The following DNAH9 variants were observed in gnomAD, a reference collection of about 807,000 sequenced individuals.
DNAH9 encodes the protein DNAH9 variant protein.
Under a neutral mutation model 471.6 loss-of-function variants are expected in DNAH9, and 345 were observed. The ratio of observed to expected loss-of-function variants is 0.73; its 90% CI spans 0.67 to 0.80. The LOEUF (loss-of-function observed/expected upper bound fraction) is 0.80, where lower values mean the gene tolerates loss of function less well. Ranked by LOEUF, DNAH9 falls within the 30% of genes least tolerant of loss-of-function variation. The pLI is 0.00. For synonymous variants in DNAH9, 2,093 were observed against 2,123.6 expected (o/e 0.99, Z 0.40); for missense variants, 5,407 against 5,609.2 (o/e 0.96, Z 1.15).
intron 67 of DNAH9, among the ~76,000 whole-genome samples, chr17:11,952,772 C>T (rs1386326384): frequency 6.6e-6 from 1 of 152,164 alleles, no homozygotes; most frequent in Non-Finnish European, 1.5e-5. Context: ...ACTGACCTCT[C>T]TCCTGGTTCT....
At chr17:11,710,219 A>G (rs574763736) in intron 26 of DNAH9, among the ~76,000 whole-genome samples, 50 of 152,234 alleles carry the variant, frequency 3.3e-4, no homozygotes, top group Admixed American at 1.2e-3. Context: ...AAACACTCTA[A>G]TGGCTGAATT....
intron 44 of DNAH9, among the ~76,000 whole-genome samples, 196 bp downstream of exon 44, chr17:11,808,090 A>G (rs1969759489): frequency 6.6e-6 from 1 of 152,132 alleles, no homozygotes; most frequent in African/African-American, 2.4e-5. Context: ...GGCATTTCCA[A>G]AGTCTGCCTT....
chr17:11,945,508 A>G (rs1478235094), intron 67 of DNAH9, among the ~76,000 whole-genome samples: 1 of 150,806 alleles, frequency 6.6e-6, no homozygotes, highest in Non-Finnish European at 1.5e-5. Flanking sequence ...ACTGCACTCC[A>G]GCCTGGGTGA....
At chr17:11,788,006 G>C (rs963321369) in intron 41 of DNAH9, among the ~76,000 whole-genome samples, 5 of 152,158 alleles carry the variant, frequency 3.3e-5, no homozygotes, top group African/African-American at 1.2e-4. Context: ...TACATGCTCT[G>C]AGTAGCAGAA....
chr17:11,744,899 C>T lies in DNAH9; in HGVS notation c.6214C>T (p.Arg2072Cys), dbSNP rs771521033. ...CCGGCCTGAGGACCAGGTCCTGATG[C>T]GCTCCTTGCGGGATTTCAACATCCC... ...PDRPEDQVLM[R>C]SLRDFNIPKI... Residue 2072 changes from arginine to cysteine, a missense_variant, in exon 31 of 69, where the codon CGC becomes TGC. Around this residue, in one of 3 missense-constraint regions of DNAH9, gnomAD observed 4,636 missense variants for 4,900.3 expected, o/e 0.95. Coordinates refer to ENST00000262442, the MANE Select transcript of DNAH9 (RefSeq NM_001372.4). The T allele has an allele frequency of 1.4e-5, 22 of 1,614,018 alleles. No individual in the cohort carries two copies. Among genetic ancestry groups the T allele is most frequent in the East Asian group, 4.5e-5 (2 of 44,884 alleles).
At chr17:11,944,911 T>C in intron 67 of DNAH9, among the ~76,000 whole-genome samples, 1 of 152,078 alleles carries the variant, frequency 6.6e-6, no homozygotes, top group East Asian at 1.9e-4. Flanking sequence ...AAAATGAAGG[T>C]GCAAAGGGGA....
In DNAH9 at chr17:11,880,104, T is replaced by C. The variant is rs758165039; in HGVS notation, c.10505T>C (p.Leu3502Pro). Reference protein sequence around the residue: ...KGYLQIIEQALEAGAVVLIEN... With the variant: ...KGYLQIIEQAPEAGAVVLIEN... ...TACCTTCAAATCATAGAGCAGGCCC[T>C]GGAAGCTGGAGCTGTGGTGCTGATT... is the stretch of plus-strand genomic sequence containing the variant. The change falls in exon 54 of 69, where the codon CTG becomes CCG. Residue 3502 changes from leucine (L) to proline (P), a missense_variant. This residue lies in a region of DNAH9 where 4,636 missense variants were observed against 4,900.3 expected (regional missense o/e 0.95). Coordinates refer to ENST00000262442, the MANE Select transcript of DNAH9 (RefSeq NM_001372.4). 6.2e-7 allele frequency: 1 copy of C among 1,614,020 alleles called. No individual in the cohort carries two copies. Among genetic ancestry groups the C allele is most frequent in the East Asian group, 2.2e-5 (1 of 44,870 alleles).
rs575817556 is a variant in DNAH9 at position 11,932,042 on chromosome 17, C to T, written c.12134C>T (p.Thr4045Met). Residue 4045 changes from threonine (T) to methionine (M), a missense_variant, in exon 64 of 69, where the codon ACG becomes ATG. Transcript: ENST00000262442. This position sits in a 1 kb window ranked among gnomAD's most constrained non-coding sequence, Gnocchi z 4.3. ...QDTLEMCSRE[T>M]EFKSILFALC... ...ACTCTGGAGATGTGTTCTCGGGAGA[C>T]GGAGTTTAAGAGCATCCTCTTTGCT... 36 of 1,614,118 alleles carry T rather than the reference C, an allele frequency of 2.2e-5. No individual in the cohort carries two copies. The Middle Eastern group carries it at 8.3e-4, about 37-fold the overall frequency.
intron 14 of DNAH9, among the ~76,000 whole-genome samples, chr17:11,660,388 T>A (rs901434713): frequency 6.7e-6 from 1 of 149,596 alleles, no homozygotes; most frequent in African/African-American, 2.5e-5. Flanking sequence ...AGAGGTACTG[T>A]CTCAACTTAC....
rs573708793 is a variant in DNAH9, at chr17:11,945,410, G to A, written c.12843+2925G>A. Among the ~76,000 whole-genome samples, 22 of 151,802 alleles carry A rather than the reference G, an allele frequency of 1.4e-4. No individual in the cohort carries two copies. The East Asian group carries it at 3.9e-3, about 27-fold the overall frequency. The stretch of plus-strand genomic sequence containing the variant: ...AAATAAGCCAGGCGTGGTGGCGGGC[G>A]CCTGTAATCCCAGCTACTACGGAGG... On this transcript the variant is annotated intron_variant, in intron 67 of 68. Transcript: ENST00000262442.
At chr17:11,779,857 CACTT>C (rs974932390) in intron 38 of DNAH9, among the ~76,000 whole-genome samples, 2 of 152,174 alleles carry the variant, frequency 1.3e-5, no homozygotes, top group Admixed American at 6.5e-5. Flanking sequence ...ATATTTGAAA[CACTT>C]AATTTAACTC....
intron 6 of DNAH9, among the ~76,000 whole-genome samples, chr17:11,624,098 A>G (rs1422890507): frequency 6.6e-6 from 1 of 152,258 alleles, no homozygotes; most frequent in African/African-American, 2.4e-5. Flanking sequence ...TAACCATGAT[A>G]CAGGTAATCT....
At chr17:11,641,639 GA>G (rs1214088080) in intron 10 of DNAH9, among the ~76,000 whole-genome samples, 7 of 152,098 alleles carry the variant, frequency 4.6e-5, no homozygotes, top group Non-Finnish European at 8.8e-5. Flanking sequence ...GTTTGGCGGG[GA>G]GTAGATCTGA....
intron 49 of DNAH9, among the ~76,000 whole-genome samples, chr17:11,841,887 A>C (rs1971047093): frequency 6.6e-6 from 1 of 152,002 alleles, no homozygotes; most frequent in Non-Finnish European, 1.5e-5. Flanking sequence ...CATCTTTTCA[A>C]ATTTTTAGAT....
intron 20 of DNAH9, among the ~76,000 whole-genome samples, chr17:11,690,733 T>C (rs1438793730): frequency 1.3e-5 from 2 of 152,088 alleles, no homozygotes; most frequent in East Asian, 3.9e-4. Flanking sequence ...AAATACTGGC[T>C]ACTGCAGTTT....
In DNAH9 at chr17:11,763,630, G is replaced by A. The variant is rs1205772912; in HGVS notation, c.7170+16G>A. On this transcript the variant is annotated intron_variant, in intron 36 of 68. Coordinates refer to ENST00000262442, the MANE Select transcript of DNAH9 (RefSeq NM_001372.4). ...CCAAGATCAGGTAAGGAGATATGTT[G>A]AGCTCAACAACCACACTGAAGTCTG... 39 of 1,611,780 alleles carry A rather than the reference G, an allele frequency of 2.4e-5. No individual in the cohort carries two copies. Among genetic ancestry groups the A allele is most frequent in the Non-Finnish European group, 3.3e-5 (39 of 1,178,802 alleles).
intron 22 of DNAH9, among the ~76,000 whole-genome samples, chr17:11,695,942 G>GT (rs1181690964): frequency 1.3e-5 from 2 of 152,078 alleles, no homozygotes; most frequent in Non-Finnish European, 2.9e-5. Context: ...CAGTTTTAGG[G>GT]TTTTTCCCAT....
intron 2 of DNAH9, among the ~76,000 whole-genome samples, chr17:11,608,914 G>C (rs2072566985): frequency 6.6e-6 from 1 of 152,118 alleles, no homozygotes; most frequent in Admixed American, 6.5e-5. Flanking sequence ...TCTCCTTTTA[G>C]AAGTTGAATC....
At chr17:11,645,475 C>T (rs2150692447) in intron 11 of DNAH9, among the ~76,000 whole-genome samples, 1 of 152,284 alleles carries the variant, frequency 6.6e-6, no homozygotes, top group East Asian at 1.9e-4. Context: ...CAGATCTGTT[C>T]CCCTCAGTAC....
Sources: gnomAD v4.1 joint callset for allele counts (sites outside exome capture counted in the v4.1 genomes callset) on GRCh38, gnomAD v4.1.1 for gene constraint, gnomAD v4.1.1 regional missense constraint, Gnocchi (gnomAD v3.1) non-coding constraint, MANE v1.5 for transcripts, NCBI Gene and HGNC (gene_info 2026-07-23, HGNC 2026-07-21) for gene names.